SETD2: variants seen among roughly 807,000 people sequenced by gnomAD.
The protein encoded by SETD2 is SET domain containing 2, histone lysine methyltransferase, also known as histone-lysine N-methyltransferase SETD2.
Under a neutral mutation model 242.1 loss-of-function variants are expected in SETD2, and 31 were observed. The ratio of observed to expected loss-of-function variants is 0.13; its 90% CI spans 0.10 to 0.17. The LOEUF (loss-of-function observed/expected upper bound fraction) is 0.17. Ranked by LOEUF, SETD2 falls within the 10% of genes least tolerant of loss-of-function variation. SETD2 has a pLI of 1.00. For synonymous variants in SETD2, 1,006 were observed against 1,066.5 expected (o/e 0.94, Z 1.11); for missense variants, 2,481 against 3,046.3 (o/e 0.81, Z 4.37).
In SETD2 at chr3:47,061,605, A is replaced by G. The variant is rs183763399; in HGVS notation, c.6293+558T>C. Among the ~76,000 whole-genome samples the G allele has an allele frequency of 5.9e-5, 9 of 152,330 alleles. No individual in the cohort carries two copies. The East Asian group carries it at 1.5e-3, about 26-fold the overall frequency. ...ACATTACATACCGAGATACTTTAAA[A>G]CTAAAAAATTCTGCCAAATGCAGTA... is the stretch of plus-strand genomic sequence containing the variant. On this transcript the variant is annotated intron_variant, in intron 14 of 20. Coordinates refer to ENST00000409792, the MANE Select transcript of SETD2 (RefSeq NM_014159.7).
chr3:47,140,934 G>A (rs2043714091), intron 1 of SETD2, among the ~76,000 whole-genome samples: 1 of 152,126 alleles, frequency 6.6e-6, no homozygotes, highest in African/African-American at 2.4e-5. Context: ...ATAGGTTTCT[G>A]AGGGAGATGG....
At chr3:47,051,206 A>T (rs936678129) in intron 15 of SETD2, among the ~76,000 whole-genome samples, 6 of 151,386 alleles carry the variant, frequency 4.0e-5, no homozygotes, top group African/African-American at 1.5e-4. Flanking sequence ...CTGGGCTCAG[A>T]TGATCCTCCT....
chr3:47,097,165 G>A (rs1575766931), intron 9 of SETD2, among the ~76,000 whole-genome samples: 1 of 152,114 alleles, frequency 6.6e-6, no homozygotes, highest in Admixed American at 6.5e-5. Flanking sequence ...AATCACAGGG[G>A]AATTTGCTGA....
At chr3:47,051,584 T>C (rs999526675) in intron 15 of SETD2, among the ~76,000 whole-genome samples, 13 of 152,236 alleles carry the variant, frequency 8.5e-5, no homozygotes, top group African/African-American at 2.4e-4. Context: ...TGTAACTTCT[T>C]TGACTTCATT....
At chr3:47,034,790 C>T (rs531725569) in intron 18 of SETD2, among the ~76,000 whole-genome samples, 1 of 152,324 alleles carries the variant, frequency 6.6e-6, no homozygotes, top group African/African-American at 2.4e-5. Context: ...ATAGCCTTGC[C>T]TTATACTGTT....
At position 47,122,346 on chromosome 3, in the gene SETD2, G is replaced by C. The variant is rs2106676011; in HGVS notation, c.2290C>G (p.Pro764Ala). ...TTGGAATAATCCACAGTCATAACTGGCATAGACATGAGTTTATCTTGGTGT... is the reference window on the plus strand; with the variant it reads ...TTGGAATAATCCACAGTCATAACTGCCATAGACATGAGTTTATCTTGGTGT... ...SPHQDKLMSM[P>A]VMTVDYSKTV... The change falls in exon 3 of 21, where the codon CCA (proline) becomes GCA (alanine). Residue 764 changes from proline to alanine, a missense_variant. Physicochemically the swap from Pro to Ala is conservative, Grantham distance 27. Coordinates refer to ENST00000409792, the MANE Select transcript of SETD2 (RefSeq NM_014159.7). The C allele has an allele frequency of 6.2e-7, 1 of 1,614,160 alleles. No homozygotes were observed. Among genetic ancestry groups the C allele is most frequent in the South Asian group, 1.1e-5 (1 of 91,078 alleles).
rs2106640090 is a variant in SETD2 at position 47,121,110 on chromosome 3, C to T, written c.3526G>A (p.Val1176Met). 1 of 1,614,072 alleles carries T rather than the reference C, an allele frequency of 6.2e-7. No homozygotes were observed. The highest frequency in any genetic ancestry group is 8.5e-7 in the Non-Finnish European group (1 of 1,179,966). The stretch of plus-strand genomic sequence containing the variant: ...GGGTGACCCAGAGGGTCAGATTTCA[C>T]ATCTGTATGACTTGTACTATCAACC... ...DGVDSTSHTD[V>M]KSDPLGHPNS... is the part of the protein sequence containing the mutation. Residue 1176 changes from valine (V) to methionine (M), a missense_variant, in exon 3 of 21, where the codon GTG (valine) becomes ATG (methionine). By Grantham distance (21) the Val-to-Met change is conservative. Around this residue, in one of 17 missense-constraint regions of SETD2, gnomAD observed 1,300 missense variants for 1,259.2 expected, o/e 1.03. Coordinates refer to ENST00000409792, the MANE Select transcript of SETD2 (RefSeq NM_014159.7).
chr3:47,157,541 C>T (rs547852607), intron 1 of SETD2: 51 of 455,868 alleles, frequency 1.1e-4, no homozygotes, highest in Middle Eastern at 3.2e-4. Flanking sequence ...TCATAAGTAC[C>T]GTTCTTTCTA....
chr3:47,083,505 A>G (rs575420174), intron 12 of SETD2, among the ~76,000 whole-genome samples: 1 of 152,364 alleles, frequency 6.6e-6, no homozygotes, highest in South Asian at 2.1e-4. Flanking sequence ...TTTCTAAGTG[A>G]CAGAAAAGAA....
In SETD2 at chr3:47,082,325, T is replaced by G. The variant is rs117162701; in HGVS notation, c.6060+1395A>C. Among the ~76,000 whole-genome samples the G allele has an allele frequency of 3.6e-3, 544 of 152,344 alleles. 4 individuals are homozygous for G. Among genetic ancestry groups the G allele is most frequent in the East Asian group, 0.017 (88 of 5,194 alleles). On this transcript the variant is annotated intron_variant, in intron 12 of 20. Transcript: ENST00000409792. ...CTACTTATTCTTCCTTCCATAAAAGTACAGCTATAAAGGCCTTTTCTGTGT... is the reference window on the plus strand; with the variant it reads ...CTACTTATTCTTCCTTCCATAAAAGGACAGCTATAAAGGCCTTTTCTGTGT...
chr3:47,112,660 G>C (rs975406760), intron 5 of SETD2, among the ~76,000 whole-genome samples: 1 of 152,052 alleles, frequency 6.6e-6, no homozygotes, highest in African/African-American at 2.4e-5. Context: ...CATGATCTCG[G>C]CTCACTGCAA....
At chr3:47,106,501 A>T (rs1254853807) in intron 5 of SETD2, among the ~76,000 whole-genome samples, 6 of 43,190 alleles carry the variant, frequency 1.4e-4, no homozygotes, top group Admixed American at 3.1e-4. Flanking sequence ...TCTAAAAAAA[A>T]AAAAAAAAAA....
At chr3:47,020,857 T>A (rs1304962087) in intron 18 of SETD2, among the ~76,000 whole-genome samples, 1 of 152,192 alleles carries the variant, frequency 6.6e-6, no homozygotes, top group Admixed American at 6.5e-5. Flanking sequence ...ATGAAGGCTC[T>A]GGTTCTAAAG....
chr3:47,045,519 TAAAAAAAAA>T (rs902155233), intron 16 of SETD2, among the ~76,000 whole-genome samples: 1 of 100,986 alleles, frequency 9.9e-6, no homozygotes, highest in African/African-American at 4.0e-5. Flanking sequence ...CTCCATCTCT[TAAAAAAAAA>T]AAAAAAAAAA....
chr3:47,046,072 G>A (rs886200540), intron 16 of SETD2, among the ~76,000 whole-genome samples: 1 of 151,834 alleles, frequency 6.6e-6, no homozygotes, highest in African/African-American at 2.4e-5. Flanking sequence ...GGTGGCTCAT[G>A]CCTATAAATA....
rs182736967 is a variant in SETD2, at chr3:47,123,431, C to T, written c.1205G>A (p.Arg402Gln). 112 of 1,551,542 alleles carry T rather than the reference C, an allele frequency of 7.2e-5. No individual in the cohort carries two copies. In the African/African-American group the frequency reaches 1.1e-3, roughly 16 times the overall value. ...CTCAGACCTAGAGTGAGATCTGCTC[C>T]GCCGTCGCTCTCTTTCTGATCTACA... ...SRCRSERERR[R>Q]SRSHSRSERG... is the part of the protein sequence containing the mutation. Residue 402 changes from arginine (R) to glutamine (Q), a missense_variant, in exon 3 of 21, where the codon CGG becomes CAG. Around this residue, in one of 17 missense-constraint regions of SETD2, gnomAD observed 1,300 missense variants for 1,259.2 expected, o/e 1.03. Coordinates refer to ENST00000409792, the MANE Select transcript of SETD2 (RefSeq NM_014159.7).
chr3:47,058,039 A>G (rs1302641837), intron 14 of SETD2, among the ~76,000 whole-genome samples: 1 of 152,224 alleles, frequency 6.6e-6, no homozygotes, highest in African/African-American at 2.4e-5. Flanking sequence ...GCCTCTTAAA[A>G]GCAGACCAAG....
At chr3:47,107,879 C>T (rs1406223279) in intron 5 of SETD2, among the ~76,000 whole-genome samples, 3 of 151,998 alleles carry the variant, frequency 2.0e-5, no homozygotes, top group Non-Finnish European at 4.4e-5. Context: ...CAGTTGAAAG[C>T]CTGGGGCAGG....
intron 1 of SETD2, among the ~76,000 whole-genome samples, chr3:47,148,404 TAC>T (rs996385059): frequency 3.9e-5 from 6 of 152,136 alleles, no homozygotes; most frequent in Non-Finnish European, 7.4e-5. Context: ...GTGCTCGGAT[TAC>T]AGACATGAGC....
Sources: allele counts gnomAD v4.1 joint callset (sites outside exome capture counted in the v4.1 genomes callset), GRCh38; gene constraint gnomAD v4.1.1; regional missense constraint gnomAD v4.1.1; transcripts MANE v1.5; gene names NCBI Gene and HGNC (gene_info 2026-07-23, HGNC 2026-07-21).